The following PTN variants were observed in gnomAD, a reference collection of about 807,000 sequenced individuals.
PTN encodes heparin affin regulatory protein.
In PTN, 18 loss-of-function variants were observed where a neutral mutation model predicts 24.1. That is an observed-to-expected ratio of 0.75 (90% CI 0.52 to 1.11). The LOEUF is 1.11. Among genes scored for constraint, PTN ranks in the 50% least tolerant of loss-of-function variants. The probability of loss-of-function intolerance (pLI) is 0.00; values close to 1 mark genes in which losing one functional copy is unlikely to be tolerated. For synonymous variants in PTN, 78 were observed against 68.6 expected, an observed-to-expected ratio of 1.14 and a Z score of -0.67; for missense variants, 163 against 198.8, an observed-to-expected ratio of 0.82 and a Z score of 1.08.
intron 1 of PTN, among the ~76,000 whole-genome samples, chr7:137,310,706 C>A (rs1809967472): frequency 6.6e-6 from 1 of 152,118 alleles, no homozygotes; most frequent in Non-Finnish European, 1.5e-5. Flanking sequence ...CGCAGGCCAT[C>A]TAACAGAAGT....
At chr7:137,266,703 A>G (rs1454799225) in intron 1 of PTN, among the ~76,000 whole-genome samples, 1 of 148,320 alleles carries the variant, frequency 6.7e-6, no homozygotes, top group Non-Finnish European at 1.5e-5. Flanking sequence ...TCTGTGGACT[A>G]GATGAAGGCC....
intron 1 of PTN, among the ~76,000 whole-genome samples, chr7:137,301,542 G>A (rs1402831092): frequency 6.7e-6 from 1 of 149,464 alleles, no homozygotes; most frequent in Non-Finnish European, 1.5e-5. Context: ...GCCCTAGGAT[G>A]CCAAGACAAG....
chr7:137,309,099 G>A (rs922275352), intron 1 of PTN, among the ~76,000 whole-genome samples: 18 of 152,172 alleles, frequency 1.2e-4, no homozygotes, highest in Non-Finnish European at 2.5e-4. Flanking sequence ...ACTGATGTAC[G>A]GCCATACCTT....
At position 137,253,226 on chromosome 7, in the gene PTN, G is replaced by T. The variant is rs1360125318; in HGVS notation, c.289+238C>A. On this transcript the variant is annotated intron_variant, in intron 3 of 4. Transcript: ENST00000348225. ...AGTTTTCACATCTGGAGCGGGTGAG[G>T]AATGCTACCGGAAACTAGCGAGTAG... 3.9e-5 allele frequency among the ~76,000 whole-genome samples: 6 copies of T among 152,260 alleles called. No homozygotes were observed. In the East Asian group the frequency reaches 7.7e-4, roughly 20 times the overall value.
In PTN at chr7:137,251,099, G is replaced by A. The variant is rs969297251; in HGVS notation, c.451+131C>T. On this transcript the variant is annotated intron_variant, in intron 4 of 4. Coordinates refer to ENST00000348225, the MANE Select transcript of PTN (RefSeq NM_002825.7). ...TTTTAAAGTATTTTTGTGACTCTCA[G>A]TGTAGGGGAGTTTTTCAGTCACTTT... is the stretch of plus-strand genomic sequence containing the variant. 5.6e-5 allele frequency: 60 copies of A among 1,080,176 alleles called. 1 individual carries two copies. The Middle Eastern group carries it at 8.4e-4, about 15-fold the overall frequency. The allele number at this position is 1,080,176 out of a possible 1,614,324, so 66.9% of individuals were successfully genotyped here. A position where few individuals can be genotyped will look rare whatever the true frequency, so the allele number is the denominator to read the frequency against.
chr7:137,248,268 C>A (rs1162516357), intron 4 of PTN, among the ~76,000 whole-genome samples: 1 of 152,122 alleles, frequency 6.6e-6, no homozygotes, highest in Non-Finnish European at 1.5e-5. Flanking sequence ...ATATGCCACT[C>A]GTTACATTTT....
chr7:137,302,030 C>T (rs1809814783), intron 1 of PTN, among the ~76,000 whole-genome samples: 1 of 151,846 alleles, frequency 6.6e-6, no homozygotes, highest in Non-Finnish European at 1.5e-5. Context: ...ATAGCATTAA[C>T]AGTTATTTCT....
chr7:137,339,366 A>C (rs1386070495), intron 1 of PTN, among the ~76,000 whole-genome samples: 1 of 152,084 alleles, frequency 6.6e-6, no homozygotes, highest in African/African-American at 2.4e-5. Context: ...TAGGCATCCA[A>C]CATACGTACA....
At chr7:137,269,980 T>G (rs1052222005) in intron 1 of PTN, among the ~76,000 whole-genome samples, 6 of 152,170 alleles carry the variant, frequency 3.9e-5, no homozygotes, top group African/African-American at 1.4e-4. Flanking sequence ...AAAACTATCT[T>G]GACACCTCTT....
In PTN at chr7:137,324,433, A is replaced by AAAAAAAAAATATAT; in HGVS notation, c.-2+19005_-2+19006insATATATTTTTTTTT. Among the ~76,000 whole-genome samples, 2 of 88,760 alleles carry AAAAAAAAAATATAT rather than the reference A, an allele frequency of 2.3e-5. 1 individual carries two copies. The highest frequency in any genetic ancestry group is 1.4e-4 in the African/African-American group (2 of 14,480). The allele number at this position is 88,760 out of a possible 152,430, so 58.2% of individuals were successfully genotyped here. On this transcript the variant is annotated intron_variant, in intron 1 of 4. Coordinates refer to ENST00000348225, the MANE Select transcript of PTN (RefSeq NM_002825.7). ...CCCTGTCTCTAAAAAAAAAAAAAAAAATATATATATATATATATAAATTAA... is the reference window on the plus strand; with the variant it reads ...CCCTGTCTCTAAAAAAAAAAAAAAAAAAAAAAAAATATATATATATATATATATATATAAATTAA...
intron 1 of PTN, among the ~76,000 whole-genome samples, chr7:137,297,308 A>G (rs958240649): frequency 6.6e-6 from 1 of 152,270 alleles, no homozygotes; most frequent in Middle Eastern, 3.4e-3. Context: ...TGGCGAAGCC[A>G]CTGTGGATAT....
intron 1 of PTN, among the ~76,000 whole-genome samples, chr7:137,306,966 G>A (rs1043280943): frequency 2.6e-5 from 4 of 151,910 alleles, no homozygotes; most frequent in South Asian, 2.1e-4. Flanking sequence ...CCAGTGCCTC[G>A]CATTCCTCAT....
At chr7:137,331,987 T>C (rs2128882783) in intron 1 of PTN, among the ~76,000 whole-genome samples, 1 of 152,354 alleles carries the variant, frequency 6.6e-6, no homozygotes, top group East Asian at 1.9e-4. Context: ...GGCTCTTTTA[T>C]GAGCATTCAT....
At chr7:137,257,909 C>A (rs190664163) in intron 1 of PTN, among the ~76,000 whole-genome samples, 1 of 152,118 alleles carries the variant, frequency 6.6e-6, no homozygotes, top group African/African-American at 2.4e-5. Context: ...CACCTCAGAG[C>A]CCACTGGAGA....
chr7:137,310,402 T>A (rs1809961079), intron 1 of PTN, among the ~76,000 whole-genome samples: 1 of 32,072 alleles, frequency 3.1e-5, no homozygotes, highest in Non-Finnish European at 6.9e-5. Context: ...TTTTTTTTTT[T>A]TGTTTTTTTT....
intron 4 of PTN, among the ~76,000 whole-genome samples, chr7:137,232,969 G>C (rs187238480): frequency 6.6e-6 from 1 of 152,070 alleles, no homozygotes; most frequent in African/African-American, 2.4e-5. Flanking sequence ...GTGGAACTGT[G>C]AGGGAATTAA....
chr7:137,307,356 C>G (rs1405500453), intron 1 of PTN, among the ~76,000 whole-genome samples: 1 of 151,926 alleles, frequency 6.6e-6, no homozygotes, highest in Non-Finnish European at 1.5e-5. Flanking sequence ...ACTGAGTTTC[C>G]AATCCTGGTA....
At chr7:137,305,975 G>A (rs996116469) in intron 1 of PTN, among the ~76,000 whole-genome samples, 2 of 152,020 alleles carry the variant, frequency 1.3e-5, no homozygotes, top group Non-Finnish European at 2.9e-5. Context: ...CGCTCCCTGC[G>A]CTGCTTCCTT....
intron 4 of PTN, among the ~76,000 whole-genome samples, chr7:137,235,884 T>C (rs529847084): frequency 2.0e-5 from 3 of 152,220 alleles, no homozygotes; most frequent in South Asian, 4.1e-4. Flanking sequence ...GAATAAAAGA[T>C]AGTACATATA....
Sources: gnomAD v4.1 joint callset for allele counts (sites outside exome capture counted in the v4.1 genomes callset) on GRCh38, gnomAD v4.1.1 for gene constraint, MANE v1.5 for transcripts, NCBI Gene and HGNC (gene_info 2026-07-23, HGNC 2026-07-21) for gene names.